The following MYO10 variants were observed in gnomAD, a reference collection of about 807,000 sequenced individuals.
MYO10 encodes unconventional myosin-X.
MYO10 carries 133 observed loss-of-function variants against 257.3 expected under a neutral mutation model. The observed-to-expected ratio is 0.52, with a 90% CI of 0.45 to 0.60. The LOEUF (loss-of-function observed/expected upper bound fraction) is 0.60, where lower values mean the gene tolerates loss of function less well. Among genes scored for constraint, MYO10 ranks in the 20% least tolerant of loss-of-function variants. The pLI, the probability that MYO10 is intolerant of heterozygous loss-of-function variation, is 0.00. For synonymous variants in MYO10, 1,104 were observed against 1,028.6 expected (o/e 1.07, Z -1.40); for missense variants, 2,399 against 2,635.7 (o/e 0.91, Z 1.97).
At chr5:16,790,917 A>G (rs1741732276) in intron 4 of MYO10, among the ~76,000 whole-genome samples, 1 of 116,118 alleles carries the variant, frequency 8.6e-6, no homozygotes, top group Admixed American at 8.3e-5. Context: ...ATATATACAC[A>G]CACACACACA....
chr5:16,756,850 C>T (rs1740541622), intron 18 of MYO10, among the ~76,000 whole-genome samples: 1 of 152,070 alleles, frequency 6.6e-6, no homozygotes, highest in African/African-American at 2.4e-5. Context: ...TCTGTAATTC[C>T]AGCACTTTGG....
In MYO10 at chr5:16,794,650, T is replaced by A. The variant is rs1178932623; in HGVS notation, c.463A>T (p.Ile155Phe). The change falls in exon 4 of 41, where the codon ATC becomes TTC. Residue 155 changes from isoleucine to phenylalanine, a missense_variant. Physicochemically the swap from Ile to Phe is conservative, Grantham distance 21. Around this residue, in one of 3 missense-constraint regions of MYO10, gnomAD observed 242 missense variants for 249.5 expected, o/e 0.97. Coordinates refer to ENST00000513610, the MANE Select transcript of MYO10 (RefSeq NM_012334.3). ...WKRHDNQCIL[I>F]SGESGAGKTE... The stretch of plus-strand genomic sequence containing the variant: ...ACTGGCTGTGAGCCCCGTTACCTGA[T>A]GAGGATGCACTGGTTGTCGTGGCGC... 1 of 1,607,726 alleles carries A rather than the reference T, an allele frequency of 6.2e-7. No individual in the cohort carries two copies. Among genetic ancestry groups the A allele is most frequent in the Admixed American group, 1.7e-5 (1 of 59,548 alleles).
intron 9 of MYO10, among the ~76,000 whole-genome samples, chr5:16,771,009 A>C (rs113037553): frequency 2.5e-3 from 381 of 152,256 alleles, no homozygotes; most frequent in African/African-American, 8.9e-3. Flanking sequence ...CTCAAGTGAT[A>C]TGCCCACCTT....
chr5:16,887,724 C>T (rs1368561308), intron 1 of MYO10, among the ~76,000 whole-genome samples: 1 of 152,146 alleles, frequency 6.6e-6, no homozygotes, highest in Non-Finnish European at 1.5e-5. Context: ...CGACTGACCT[C>T]AGGTGATCCA....
intron 21 of MYO10, among the ~76,000 whole-genome samples, chr5:16,705,600 C>T (rs1470959091): frequency 1.3e-5 from 2 of 152,196 alleles, no homozygotes; most frequent in Non-Finnish European, 2.9e-5. Flanking sequence ...ACAATCCACA[C>T]AGATGCATTT....
At chr5:16,764,441 C>T in intron 11 of MYO10, 45 bp from the exon 12 acceptor site, 1 of 1,606,522 alleles carries the variant, frequency 6.2e-7, no homozygotes, top group Non-Finnish European at 8.5e-7. Flanking sequence ...CCCGGGCACC[C>T]CAGACAGGCA....
rs770457164 is a variant in MYO10, at chr5:16,701,179, G to A, written c.3216C>T (p.Thr1072=). The change falls in exon 25 of 41, where the codon ACC becomes ACT. Residue 1072 remains threonine, a synonymous_variant. Transcript: ENST00000513610. This position sits in a 1 kb window ranked among gnomAD's most constrained non-coding sequence, Gnocchi z 8.1. ...SLHNSSSGES[T]YCMPQNAGDL... is the part of the protein sequence containing the mutation. Reference sequence around the variant, plus strand: ...CCCCAGCGTTCTGGGGCATGCAGTAGGTGGACTCGCCGCTGGAGGAGTTGT... The same window carrying A: ...CCCCAGCGTTCTGGGGCATGCAGTAAGTGGACTCGCCGCTGGAGGAGTTGT... 1.1e-5 allele frequency: 18 copies of A among 1,607,978 alleles called. No homozygotes were observed. The highest frequency in any genetic ancestry group is 1.5e-5 in the Non-Finnish European group (18 of 1,177,350).
intron 10 of MYO10, among the ~76,000 whole-genome samples, chr5:16,766,603 T>G (rs527954779): frequency 6.6e-6 from 1 of 152,080 alleles, no homozygotes; most frequent in East Asian, 1.9e-4. Flanking sequence ...CTAATTTTTT[T>G]GCATATTTAG....
intron 26 of MYO10, among the ~76,000 whole-genome samples, chr5:16,697,620 C>A (rs1737814895): frequency 6.6e-6 from 1 of 152,006 alleles, no homozygotes; most frequent in African/African-American, 2.4e-5. Flanking sequence ...ATCACTTGAA[C>A]CCCGGGGGTG....
chr5:16,727,127 T>C (rs1205448620), intron 19 of MYO10, among the ~76,000 whole-genome samples: 2 of 152,238 alleles, frequency 1.3e-5, no homozygotes, highest in African/African-American at 4.8e-5. Context: ...TTATTACATG[T>C]TGAAAGGATA....
chr5:16,838,526 A>C (rs184072982), intron 2 of MYO10, among the ~76,000 whole-genome samples: 7 of 152,354 alleles, frequency 4.6e-5, no homozygotes, highest in Non-Finnish European at 8.8e-5. Flanking sequence ...ATGAGATTTA[A>C]GAAAAGAAGC....
intron 39 of MYO10, 65 bp downstream of exon 39, chr5:16,670,461 G>A: frequency 5.0e-6 from 7 of 1,404,006 alleles, no homozygotes; most frequent in Non-Finnish European, 6.8e-6. Flanking sequence ...CATGAACTTG[G>A]CCGTGATCCA....
At chr5:16,876,288 T>C (rs576538895) in intron 2 of MYO10, among the ~76,000 whole-genome samples, 1 of 152,332 alleles carries the variant, frequency 6.6e-6, no homozygotes, top group African/African-American at 2.4e-5. Context: ...GTTTCTCTTA[T>C]AATCATCAGA....
At chr5:16,740,518 G>A (rs1026385390) in intron 19 of MYO10, among the ~76,000 whole-genome samples, 1 of 152,040 alleles carries the variant, frequency 6.6e-6, no homozygotes, top group Non-Finnish European at 1.5e-5. Flanking sequence ...ATGCAGTGGT[G>A]GAAGCTGCAA....
chr5:16,679,140 C>T (rs1258956212), intron 33 of MYO10, among the ~76,000 whole-genome samples: 1 of 152,214 alleles, frequency 6.6e-6, no homozygotes, highest in African/African-American at 2.4e-5. Flanking sequence ...GAAGTTTGCA[C>T]GTGCCTGAGA....
rs556748479 is a variant in MYO10, at chr5:16,837,182, G to C, written c.121-19015C>G. On this transcript the variant is annotated intron_variant, in intron 2 of 40. Transcript: ENST00000513610. ...AAAATTAGCAGGGCGTGGTGGCAGA[G>C]GCCTGTAATCCCAGCTACTTGGGAG... 7.2e-5 allele frequency among the ~76,000 whole-genome samples: 11 copies of C among 152,104 alleles called. No individual in the cohort carries two copies. The South Asian group carries it at 1.2e-3, about 17-fold the overall frequency.
chr5:16,780,297 A>G (rs1741383613), intron 8 of MYO10, among the ~76,000 whole-genome samples: 1 of 111,036 alleles, frequency 9.0e-6, no homozygotes, highest in Non-Finnish European at 2.0e-5. Flanking sequence ...TACATTAAAA[A>G]TGTACCAAGA....
At position 16,680,422 on chromosome 5, in the gene MYO10, G is replaced by A. The variant is rs1301230996; in HGVS notation, c.4385-318C>T. Reference sequence around the variant, plus strand: ...AAGTTAATGTCTCTTTTTGGGCTCTGGAACAGGAGTGAAAACTCTCTCTGA... The same window carrying A: ...AAGTTAATGTCTCTTTTTGGGCTCTAGAACAGGAGTGAAAACTCTCTCTGA... On this transcript the variant is annotated intron_variant, in intron 32 of 40. Coordinates refer to ENST00000513610, the MANE Select transcript of MYO10 (RefSeq NM_012334.3). 2.6e-5 allele frequency among the ~76,000 whole-genome samples: 4 copies of A among 152,200 alleles called. No homozygotes were observed. In the East Asian group the frequency reaches 7.7e-4, roughly 29 times the overall value.
intron 23 of MYO10, 35 bp from the exon 24 acceptor site, chr5:16,702,623 CAAT>C (rs1409464160): frequency 6.5e-7 from 1 of 1,550,222 alleles, no homozygotes; most frequent in Non-Finnish European, 8.7e-7. Context: ...AAATCAACAA[CAAT>C]AACCCTGGAA....
Sources: gnomAD v4.1 joint callset for allele counts (sites outside exome capture counted in the v4.1 genomes callset) on GRCh38, gnomAD v4.1.1 for gene constraint, gnomAD v4.1.1 regional missense constraint, Gnocchi (gnomAD v3.1) non-coding constraint, MANE v1.5 for transcripts, NCBI Gene and HGNC (gene_info 2026-07-23, HGNC 2026-07-21) for gene names.